SLC2A13: variants seen among roughly 807,000 people sequenced by gnomAD.
The protein encoded by SLC2A13 is solute carrier family 2 member 13, also known as proton myo-inositol cotransporter.
Under a neutral mutation model 64.4 loss-of-function variants are expected in SLC2A13, and 32 were observed. The observed-to-expected ratio is 0.50, with a 90% CI of 0.37 to 0.67. The LOEUF (loss-of-function observed/expected upper bound fraction) is 0.67, where lower values mean the gene tolerates loss of function less well. SLC2A13 is among the 30% of genes least tolerant of loss of function. The pLI, the probability that SLC2A13 is intolerant of heterozygous loss-of-function variation, is 0.00. For missense variants in SLC2A13, 743 were observed against 829.2 expected (o/e 0.90, Z 1.28); for synonymous variants, 338 against 327.1 (o/e 1.03, Z -0.36).
At chr12:39,889,751 T>C (rs774570379) in intron 4 of SLC2A13, among the ~76,000 whole-genome samples, 91 of 152,068 alleles carry the variant, frequency 6.0e-4, no homozygotes, top group Non-Finnish European at 8.5e-4. Context: ...AGGATGGTCT[T>C]GATTTCTTGA....
At chr12:40,023,279 C>T (rs1281643742) in intron 3 of SLC2A13, among the ~76,000 whole-genome samples, 3 of 152,198 alleles carry the variant, frequency 2.0e-5, no homozygotes, top group African/African-American at 4.8e-5. Flanking sequence ...TGCCTTAGCA[C>T]GCCCACTTCA....
At chr12:39,898,462 C>T (rs1382603209) in intron 4 of SLC2A13, among the ~76,000 whole-genome samples, 1 of 151,644 alleles carries the variant, frequency 6.6e-6, no homozygotes, top group Non-Finnish European at 1.5e-5. Flanking sequence ...AATGACATAC[C>T]ATATTCTGCC....
At chr12:39,956,237 G>A (rs1022373053) in intron 3 of SLC2A13, among the ~76,000 whole-genome samples, 3 of 152,032 alleles carry the variant, frequency 2.0e-5, no homozygotes, top group African/African-American at 4.8e-5. Flanking sequence ...TGTTAAAAAC[G>A]TTCCCCCAAA....
chr12:39,827,896 G>T (rs1329626766), intron 7 of SLC2A13, among the ~76,000 whole-genome samples: 1 of 151,990 alleles, frequency 6.6e-6, no homozygotes, highest in Non-Finnish European at 1.5e-5. Flanking sequence ...TCAGGAAACA[G>T]CTACAGTTAG....
chr12:39,915,266 TAC>T (rs1945504363), intron 4 of SLC2A13, among the ~76,000 whole-genome samples: 1 of 152,034 alleles, frequency 6.6e-6, no homozygotes, highest in Non-Finnish European at 1.5e-5. Flanking sequence ...ACACTGTAAT[TAC>T]ATTGCTAATA....
rs1225044135 is a variant in SLC2A13, at chr12:39,756,596, G to C, written c.*3430C>G. Reference sequence around the variant, plus strand: ...TGAGACTTTCTTAGATAAACATATGGATGGTATTTTCTAAAACATTCTTCC... The same window carrying C: ...TGAGACTTTCTTAGATAAACATATGCATGGTATTTTCTAAAACATTCTTCC... On this transcript the variant is annotated 3_prime_UTR_variant, in exon 10 of 10. Coordinates refer to ENST00000280871, the MANE Select transcript of SLC2A13 (RefSeq NM_052885.4). The C allele has an allele frequency of 6.6e-6, 1 of 151,756 alleles. No individual in the cohort carries two copies. Among genetic ancestry groups the C allele is most frequent in the African/African-American group, 2.4e-5 (1 of 41,390 alleles). 9.4% of individuals were successfully genotyped at this position (151,756 alleles called of 1,614,324 possible).
chr12:39,797,763 C>T (rs1941630331), intron 7 of SLC2A13, among the ~76,000 whole-genome samples: 1 of 152,082 alleles, frequency 6.6e-6, no homozygotes, highest in South Asian at 2.1e-4. Context: ...CACACACACA[C>T]ACACACACAC....
chr12:39,907,175 T>C lies in SLC2A13; in HGVS notation c.1035-35214A>G, dbSNP rs76497335. ...TTTGTATTTCAAAATAACACACAAATCTTCTAAATAAGAAAGCCACTTATT... is the reference window on the plus strand; with the variant it reads ...TTTGTATTTCAAAATAACACACAAACCTTCTAAATAAGAAAGCCACTTATT... On this transcript the variant is annotated intron_variant, in intron 4 of 9. Transcript: ENST00000280871. 8.7e-4 allele frequency among the ~76,000 whole-genome samples: 133 copies of C among 152,274 alleles called. No homozygotes were observed. The East Asian group carries it at 0.019, about 21-fold the overall frequency.
chr12:39,868,939 C>G (rs527791493), intron 5 of SLC2A13, among the ~76,000 whole-genome samples: 1 of 152,040 alleles, frequency 6.6e-6, no homozygotes, highest in Non-Finnish European at 1.5e-5. Context: ...GAATATCTAA[C>G]AAAAAATCAT....
intron 7 of SLC2A13, among the ~76,000 whole-genome samples, chr12:39,799,081 CTTT>C (rs1193979816): frequency 2.2e-5 from 3 of 133,498 alleles, no homozygotes; most frequent in African/African-American, 2.8e-5. Context: ...TTTTTTTTTC[CTTT>C]TTTTTTTTTT....
chr12:40,079,147 T>A (rs972823949), intron 1 of SLC2A13, among the ~76,000 whole-genome samples: 1 of 152,234 alleles, frequency 6.6e-6, no homozygotes, highest in Non-Finnish European at 1.5e-5. Flanking sequence ...CAGATTTTTG[T>A]TATTTTCTTT....
chr12:39,907,943 G>A (rs1343488800), intron 4 of SLC2A13: 4 of 151,200 alleles, frequency 2.6e-5, no homozygotes, highest in African/African-American at 4.9e-5. Flanking sequence ...TTACAACTAC[G>A]CCTCCAAAAG....
intron 7 of SLC2A13, among the ~76,000 whole-genome samples, chr12:39,806,983 C>T (rs1372608509): frequency 1.3e-5 from 2 of 152,090 alleles, no homozygotes; most frequent in Admixed American, 6.5e-5. Flanking sequence ...ACAGTCTGTA[C>T]GATCCTATTT....
intron 4 of SLC2A13, among the ~76,000 whole-genome samples, chr12:39,885,853 C>T (rs1944452565): frequency 6.6e-6 from 1 of 152,196 alleles, no homozygotes; most frequent in African/African-American, 2.4e-5. Context: ...CCTCCTCCTA[C>T]CCAGGATTCT....
intron 3 of SLC2A13, among the ~76,000 whole-genome samples, chr12:40,027,271 A>AGAAATGCTGAC (rs1359167006): frequency 6.6e-6 from 1 of 152,232 alleles, no homozygotes; most frequent in African/African-American, 2.4e-5. Context: ...ATGTTACTCT[A>AGAAATGCTGAC]GAAATGCTGA....
chr12:39,951,271 G>T lies in SLC2A13; in HGVS notation c.1020C>A (p.Gly340=). Residue 340 remains glycine, a synonymous_variant, in exon 4 of 10, where the codon GGC becomes GGA. Transcript: ENST00000280871. ...CGLQMFQQLS[G]INTIMYYSAT... ...GAAATACATACATGATGGTGTTAAT[G>T]CCTGAGAGCTGCTGGAACATTTGTA... is the stretch of plus-strand genomic sequence containing the variant. 1 of 1,613,268 alleles carries T rather than the reference G, an allele frequency of 6.2e-7. No individual in the cohort carries two copies. Among genetic ancestry groups the T allele is most frequent in the Non-Finnish European group, 8.5e-7 (1 of 1,179,564 alleles).
rs1947541738 is a variant in SLC2A13 at position 40,012,147 on chromosome 12, T to C, written c.925+16154A>G. On this transcript the variant is annotated intron_variant, in intron 3 of 9. Coordinates refer to ENST00000280871, the MANE Select transcript of SLC2A13 (RefSeq NM_052885.4). ...ACTTAGCAAGAAATATTGTACATAA[T>C]AGTGAATTAGTTTCTCATCTCAACT... 2.6e-5 allele frequency among the ~76,000 whole-genome samples: 4 copies of C among 152,218 alleles called. No homozygotes were observed. The South Asian group carries it at 6.2e-4, about 24-fold the overall frequency.
intron 1 of SLC2A13, among the ~76,000 whole-genome samples, chr12:40,094,821 TAGA>T (rs1308416267): frequency 6.6e-6 from 1 of 152,336 alleles, no homozygotes; most frequent in African/African-American, 2.4e-5. Context: ...AATAACCCAG[TAGA>T]AGAAGAAATT....
At chr12:39,994,266 C>T (rs748830106) in intron 3 of SLC2A13, among the ~76,000 whole-genome samples, 30 of 151,788 alleles carry the variant, frequency 2.0e-4, no homozygotes, top group Non-Finnish European at 3.5e-4. Flanking sequence ...CACTGTAGTC[C>T]CAGCTACTCG....
Sources: allele counts gnomAD v4.1 joint callset (sites outside exome capture counted in the v4.1 genomes callset), GRCh38; gene constraint gnomAD v4.1.1; transcripts MANE v1.5; gene names NCBI Gene and HGNC (gene_info 2026-07-23, HGNC 2026-07-21).